The following DMXL2 variants were observed in gnomAD, a reference collection of about 807,000 sequenced individuals.
The protein encoded by DMXL2 is Dmx like 2.
DMXL2 carries 103 observed loss-of-function variants against 331.1 expected under a neutral mutation model. The observed-to-expected ratio is 0.31, with a 90% confidence interval of 0.27 to 0.37. The LOEUF (loss-of-function observed/expected upper bound fraction) is 0.37, where lower values mean the gene tolerates loss of function less well. Among genes scored for constraint, DMXL2 ranks in the 10% least tolerant of loss-of-function variants. DMXL2 has a pLI of 1.00. For missense variants in DMXL2, 3,171 were observed against 3,642.9 expected (o/e 0.87, Z 3.33); for synonymous variants, 1,281 against 1,252.1 (o/e 1.02, Z -0.49).
chr15:51,545,642 T>C lies in DMXL2; in HGVS notation c.871A>G (p.Ile291Val), dbSNP rs1490298087. Residue 291 changes from isoleucine (I) to valine (V), a missense_variant, in exon 8 of 44, where the codon ATT (isoleucine) becomes GTT (valine). By Grantham distance (29) the Ile-to-Val change is conservative. Coordinates refer to ENST00000560891, the MANE Select transcript of DMXL2 (RefSeq NM_001378457.1). ...EQICETTTSS[I>V]ASSLSHAGRH... is the part of the protein sequence containing the mutation. Reference sequence around the variant, plus strand: ...CCAGCATGAGAAAGGCTGCTGGCAATGCTGGAAGTGGTAGTCTCACAAATC... The same window carrying C: ...CCAGCATGAGAAAGGCTGCTGGCAACGCTGGAAGTGGTAGTCTCACAAATC... The C allele has an allele frequency of 6.2e-7, 1 of 1,613,734 alleles. No individual in the cohort carries two copies. The highest frequency in any genetic ancestry group is 1.7e-5 in the Admixed American group (1 of 59,964).
At chr15:51,607,691 T>C (rs2053685883) in intron 1 of DMXL2, among the ~76,000 whole-genome samples, 1 of 151,948 alleles carries the variant, frequency 6.6e-6, no homozygotes, top group Non-Finnish European at 1.5e-5. Context: ...ACAGCAAAAC[T>C]TCAGAAACAC....
intron 6 of DMXL2, among the ~76,000 whole-genome samples, chr15:51,556,930 A>G (rs1161220909): frequency 6.6e-6 from 1 of 152,198 alleles, no homozygotes; most frequent in Non-Finnish European, 1.5e-5. Context: ...TCAACAGTAA[A>G]CATTATATTT....
intron 1 of DMXL2, among the ~76,000 whole-genome samples, chr15:51,593,394 G>C (rs765615356): frequency 6.6e-4 from 100 of 152,126 alleles, no homozygotes; most frequent in Non-Finnish European, 4.0e-4. Context: ...ACCTAATACA[G>C]GAACACCCAG....
chr15:51,542,070 A>G (rs375592754), intron 9 of DMXL2, among the ~76,000 whole-genome samples: 1 of 152,344 alleles, frequency 6.6e-6, no homozygotes, highest in East Asian at 1.9e-4. Context: ...GTTCAATCAC[A>G]GCTCTAATTT....
In DMXL2 at chr15:51,538,370, C is replaced by T; in HGVS notation, c.1188G>A (p.Lys396=). The change falls in exon 10 of 44, where the codon AAG becomes AAA. Residue 396 remains lysine, a synonymous_variant. Transcript: ENST00000560891. ...CTGTAGATGATGTAAAATGAAATTC[C>T]TTGTTGTTTAACCAATGAACTACAA... is the stretch of plus-strand genomic sequence containing the variant. ...GGFVVHWLNN[K]EFHFTSSTEV... The T allele has an allele frequency of 6.2e-7, 1 of 1,613,510 alleles. No individual in the cohort carries two copies. The highest frequency in any genetic ancestry group is 8.5e-7 in the Non-Finnish European group (1 of 1,179,606).
At chr15:51,520,745 T>C (rs1027446633) in intron 13 of DMXL2, among the ~76,000 whole-genome samples, 30 of 152,266 alleles carry the variant, frequency 2.0e-4, no homozygotes, top group African/African-American at 7.2e-4. Context: ...TAATCCCAGC[T>C]ATTCAGGAAG....
chr15:51,529,301 G>C (rs34366436), intron 13 of DMXL2, among the ~76,000 whole-genome samples: 80 of 151,776 alleles, frequency 5.3e-4, no homozygotes, highest in Non-Finnish European at 9.1e-4. Context: ...ATCATACAAA[G>C]ATTAATAAAA....
In DMXL2 at chr15:51,466,212, G is replaced by T; in HGVS notation, c.7492C>A (p.Gln2498Lys). ...DDAFFSDTQI[Q>K]EHQDPNSYSW... ...TAGGAATTTGGATCTTGGTGCTCCTGTATTTGTGTATCTGAAAAAAAGGCA... is the reference window on the plus strand; with the variant it reads ...TAGGAATTTGGATCTTGGTGCTCCTTTATTTGTGTATCTGAAAAAAAGGCA... Residue 2498 changes from glutamine (Q) to lysine (K), a missense_variant, in exon 30 of 44, where the codon CAG becomes AAG. Transcript: ENST00000560891. The T allele has an allele frequency of 6.4e-7, 1 of 1,572,580 alleles. No individual in the cohort carries two copies. Among genetic ancestry groups the T allele is most frequent in the Non-Finnish European group, 8.6e-7 (1 of 1,165,790 alleles).
intron 1 of DMXL2, among the ~76,000 whole-genome samples, chr15:51,619,402 C>T (rs982445551): frequency 6.6e-6 from 1 of 152,178 alleles, no homozygotes; most frequent in Admixed American, 6.5e-5. Context: ...AAGGAAACAG[C>T]TGTATACTGC....
chr15:51,481,475 A>C lies in DMXL2; in HGVS notation c.5631T>G (p.Ile1877Met), dbSNP rs1567009517. Residue 1877 changes from isoleucine (I) to methionine (M), a missense_variant, in exon 24 of 44, where the codon ATT (isoleucine) becomes ATG (methionine). Transcript: ENST00000560891. The part of the protein sequence containing the change: ...LKTEKNFVDK[I>M]NLIERKLFFT... ...AGAATAATTTTCTTTCTATGAGGTT[A>C]ATTTTATCAACAAAGTTCTTCTCAG... 2 of 1,613,342 alleles carry C rather than the reference A, an allele frequency of 1.2e-6. No individual in the cohort carries two copies. The highest frequency in any genetic ancestry group is 1.7e-4 in the Middle Eastern group (1 of 6,058).
At chr15:51,563,323 AG>A in intron 6 of DMXL2, 57 bp downstream of exon 6, 1 of 1,347,696 alleles carries the variant, frequency 7.4e-7, no homozygotes, top group Non-Finnish European at 1.0e-6. Flanking sequence ...AAAATAAATA[AG>A]GAACATTTTA....
intron 2 of DMXL2, among the ~76,000 whole-genome samples, chr15:51,573,662 G>GCA (rs201442386): frequency 3.3e-5 from 5 of 151,374 alleles, no homozygotes; most frequent in African/African-American, 7.3e-5. Flanking sequence ...CATGGACACT[G>GCA]GGGGAAACAT....
intron 6 of DMXL2, among the ~76,000 whole-genome samples, chr15:51,549,872 A>C (rs902065610): frequency 1.3e-5 from 2 of 152,028 alleles, no homozygotes; most frequent in African/African-American, 4.8e-5. Flanking sequence ...CCTTTGTCAG[A>C]TGTATAGATC....
At chr15:51,583,100 ATTC>A (rs1438131212) in intron 1 of DMXL2, among the ~76,000 whole-genome samples, 69 of 132,798 alleles carry the variant, frequency 5.2e-4, no homozygotes, top group African/African-American at 1.9e-3. Flanking sequence ...AAATTACTTC[ATTC>A]TTCTTTTTTT....
chr15:51,502,534 G>T (rs565337626), intron 17 of DMXL2, among the ~76,000 whole-genome samples: 30 of 152,124 alleles, frequency 2.0e-4, no homozygotes, highest in African/African-American at 7.2e-4. Context: ...TGTTAGCCAG[G>T]GTGGTCTCGA....
rs1287542757 is a variant in DMXL2 at position 51,537,747 on chromosome 15, T to C, written c.1358A>G (p.Asp453Gly). 1.9e-6 allele frequency: 3 copies of C among 1,612,590 alleles called. No individual in the cohort carries two copies. The African/African-American group carries it at 4.0e-5, about 22-fold the overall frequency. ...TCCTGTACCTGCCTCAGATTCTCTA[T>C]CCAGGGATAAATCTGAACCAGAAAA... The part of the protein sequence containing the change: ...HMKLDHDLSL[D>G]RESEAGTGSS... The change falls in exon 11 of 44, where the codon GAT (aspartate) becomes GGT (glycine). Residue 453 changes from aspartate (D) to glycine (G), a missense_variant. Asp to Gly is a moderately conservative substitution (Grantham distance 94). Transcript: ENST00000560891.
chr15:51,451,558 A>AT (rs1305660396), intron 42 of DMXL2, 87 bp downstream of exon 42: 1 of 1,025,836 alleles, frequency 9.7e-7, no homozygotes, highest in Non-Finnish European at 1.5e-6. Flanking sequence ...CACTCACTGG[A>AT]TTCACTAATT....
At chr15:51,502,422 A>C (rs2043730876) in intron 17 of DMXL2, among the ~76,000 whole-genome samples, 1 of 151,538 alleles carries the variant, frequency 6.6e-6, no homozygotes, top group South Asian at 2.1e-4. Flanking sequence ...TCTCGAGTTC[A>C]AGCAATTCCC....
chr15:51,513,000 T>C, intron 15 of DMXL2, among the ~76,000 whole-genome samples: 1 of 151,974 alleles, frequency 6.6e-6, no homozygotes, highest in African/African-American at 2.4e-5. Flanking sequence ...TAAAACTTAG[T>C]ACAAAATAAA....
Sources: allele counts gnomAD v4.1 joint callset (sites outside exome capture counted in the v4.1 genomes callset), GRCh38; gene constraint gnomAD v4.1.1; transcripts MANE v1.5; gene names NCBI Gene and HGNC (gene_info 2026-07-23, HGNC 2026-07-21).